The following PDE4D variants were observed in gnomAD, a reference collection of about 807,000 sequenced individuals.
PDE4D encodes phosphodiesterase 4D.
PDE4D carries 24 observed loss-of-function variants against 87.4 expected under a neutral mutation model. The ratio of observed to expected loss-of-function variants is 0.27; its 90% CI spans 0.20 to 0.39. PDE4D has a LOEUF of 0.39. Among genes scored for constraint, PDE4D ranks in the 10% least tolerant of loss-of-function variants. The pLI is 1.00. For synonymous variants in PDE4D, 384 were observed against 383.2 expected (o/e 1.00, Z -0.02); for missense variants, 714 against 1,041.0 (o/e 0.69, Z 4.32).
At chr5:59,021,767 G>C (rs1428586468) in intron 6 of PDE4D, among the ~76,000 whole-genome samples, 1 of 152,130 alleles carries the variant, frequency 6.6e-6, no homozygotes, top group Admixed American at 6.5e-5. Flanking sequence ...ATTTAAAATG[G>C]AATCAAGATA....
At chr5:59,010,390 ATTATT>A (rs200635783) in intron 6 of PDE4D, among the ~76,000 whole-genome samples, 209 of 149,114 alleles carry the variant, frequency 1.4e-3, no homozygotes, top group African/African-American at 4.8e-3. Context: ...TTTAAGTATT[ATTATT>A]TTATTTTTTT....
At chr5:59,521,482 A>G (rs1280070405) in intron 1 of PDE4D, among the ~76,000 whole-genome samples, 2 of 152,156 alleles carry the variant, frequency 1.3e-5, no homozygotes, top group South Asian at 2.1e-4. Flanking sequence ...GGTCATCCTC[A>G]TCTCTTGCCT....
intron 2 of PDE4D, among the ~76,000 whole-genome samples, chr5:60,121,186 A>T (rs1439067943): frequency 6.6e-6 from 1 of 151,600 alleles, no homozygotes; most frequent in South Asian, 2.1e-4. Context: ...TATATATAGG[A>T]TATATAGGAG....
chr5:59,101,824 A>G (rs1770781704), intron 5 of PDE4D, among the ~76,000 whole-genome samples: 1 of 152,120 alleles, frequency 6.6e-6, no homozygotes, highest in Admixed American at 6.6e-5. Context: ...GATGCATACA[A>G]TAATAAGATA....
At chr5:59,413,941 C>CAT (rs1280753785) in intron 1 of PDE4D, among the ~76,000 whole-genome samples, 3 of 152,122 alleles carry the variant, frequency 2.0e-5, no homozygotes, top group Admixed American at 6.5e-5. Flanking sequence ...CATACACACA[C>CAT]ACATATATAT....
intron 1 of PDE4D, among the ~76,000 whole-genome samples, chr5:59,889,078 A>T (rs954086123): frequency 6.6e-6 from 1 of 151,810 alleles, no homozygotes; most frequent in Non-Finnish European, 1.5e-5. Context: ...AATACAAAAA[A>T]TTAGTCAGGC....
intron 3 of PDE4D, among the ~76,000 whole-genome samples, chr5:59,976,771 T>C (rs1482034652): frequency 6.6e-6 from 1 of 152,214 alleles, no homozygotes; most frequent in Non-Finnish European, 1.5e-5. Flanking sequence ...TCCAATAACA[T>C]GTACTCACTT....
intron 3 of PDE4D, among the ~76,000 whole-genome samples, chr5:59,951,778 A>C (rs1179830096): frequency 6.6e-6 from 1 of 152,214 alleles, no homozygotes; most frequent in Non-Finnish European, 1.5e-5. Context: ...CCAAAAATAG[A>C]TCCAACTCTA....
At chr5:59,691,958 A>T (rs528650363) in intron 1 of PDE4D, among the ~76,000 whole-genome samples, 2 of 152,120 alleles carry the variant, frequency 1.3e-5, no homozygotes, top group Non-Finnish European at 2.9e-5. Flanking sequence ...GGGTAAGTTT[A>T]GAAACAAAAC....
chr5:59,425,164 G>C (rs1393855715), intron 1 of PDE4D, among the ~76,000 whole-genome samples: 2 of 152,132 alleles, frequency 1.3e-5, no homozygotes, highest in Non-Finnish European at 2.9e-5. Context: ...TAAAAGTGTA[G>C]CAGTTGTCCA....
At chr5:59,821,440 C>T (rs1019485934) in intron 1 of PDE4D, among the ~76,000 whole-genome samples, 7 of 150,578 alleles carry the variant, frequency 4.6e-5, no homozygotes, top group Non-Finnish European at 8.9e-5. Context: ...TCCATTTACA[C>T]ACTTACATTG....
At chr5:59,022,038 C>T (rs1078368) in intron 6 of PDE4D, among the ~76,000 whole-genome samples, 81,816 of 151,856 alleles carry the variant, frequency 0.54, 22,298 homozygotes, top group Admixed American at 0.62. Flanking sequence ...GTGAAGCTGA[C>T]GCCAACTATT....
chr5:59,908,209 C>T (rs1753044342), intron 3 of PDE4D, among the ~76,000 whole-genome samples: 1 of 147,622 alleles, frequency 6.8e-6, no homozygotes. Flanking sequence ...GGCATTATGC[C>T]TCAAATGAAC....
intron 1 of PDE4D, among the ~76,000 whole-genome samples, chr5:59,233,904 A>G (rs994799578): frequency 1.3e-5 from 2 of 152,150 alleles, no homozygotes; most frequent in Admixed American, 6.6e-5. Context: ...TAGTAGTTAC[A>G]CTGATCTTCT....
intron 1 of PDE4D, among the ~76,000 whole-genome samples, chr5:59,839,212 T>G (rs1742601647): frequency 6.6e-6 from 1 of 151,364 alleles, no homozygotes; most frequent in Admixed American, 6.6e-5. Flanking sequence ...GTCACTGGAG[T>G]TCTCAGCTCT....
At chr5:60,182,719 A>G (rs188481814) in intron 2 of PDE4D, among the ~76,000 whole-genome samples, 11 of 152,192 alleles carry the variant, frequency 7.2e-5, no homozygotes, top group African/African-American at 2.4e-4. Flanking sequence ...TCTACTAAAA[A>G]TGCCAAAAAA....
At chr5:59,071,683 C>CATTT (rs1764834984) in intron 5 of PDE4D, among the ~76,000 whole-genome samples, 2 of 82,402 alleles carry the variant, frequency 2.4e-5, no homozygotes, top group Non-Finnish European at 4.3e-5. Context: ...TATTTCTCTT[C>CATTT]TTTTTTTTTT....
chr5:59,214,288 T>TA (rs1207362560), intron 2 of PDE4D, among the ~76,000 whole-genome samples: 1 of 152,164 alleles, frequency 6.6e-6, no homozygotes, highest in East Asian at 1.9e-4. Context: ...AAAACTCAGC[T>TA]AAAAACCTCT....
intron 1 of PDE4D, among the ~76,000 whole-genome samples, chr5:60,257,915 T>G (rs11739760): frequency 0.18 from 26,678 of 151,940 alleles, 3,018 homozygotes; most frequent in East Asian, 0.39. Flanking sequence ...CATAGCGAGC[T>G]GTTGCGACAC....
Sources: gnomAD v4.1 joint callset for allele counts (sites outside exome capture counted in the v4.1 genomes callset) on GRCh38, gnomAD v4.1.1 for gene constraint, MANE v1.5 for transcripts, NCBI Gene and HGNC (gene_info 2026-07-23, HGNC 2026-07-21) for gene names.